Variants in ABCB1 observed in about 807,000 individuals in gnomAD.
ABCB1 encodes the protein ATP binding cassette subfamily B member 1.
ABCB1 carries 69 observed loss-of-function variants against 142.0 expected under a neutral mutation model. That is an observed-to-expected ratio of 0.49 (90% CI 0.40 to 0.59). ABCB1 has a LOEUF of 0.59. Among genes scored for constraint, ABCB1 ranks in the 20% least tolerant of loss-of-function variants. The pLI, the probability that ABCB1 is intolerant of heterozygous loss-of-function variation, is 0.00. For missense variants in ABCB1, 1,326 were observed against 1,554.7 expected, an observed-to-expected ratio of 0.85 and a Z score of 2.47; for synonymous variants, 532 against 539.2, an observed-to-expected ratio of 0.99 and a Z score of 0.18.
At chr7:87,543,818 C>G (rs1816651428) in intron 17 of ABCB1, among the ~76,000 whole-genome samples, 1 of 152,160 alleles carries the variant, frequency 6.6e-6, no homozygotes, top group South Asian at 2.1e-4. Flanking sequence ...AATGAAAGTT[C>G]ACAAGATTTG....
chr7:87,585,436 G>T (rs1247315620), intron 4 of ABCB1, 76 bp downstream of exon 4: 15 of 1,463,170 alleles, frequency 1.0e-5, no homozygotes, highest in Non-Finnish European at 1.2e-5. Flanking sequence ...ATTTAGTAAA[G>T]AATCCATAAA....
intron 1 of ABCB1, among the ~76,000 whole-genome samples, chr7:87,658,886 T>C (rs1585024795): frequency 6.6e-6 from 1 of 152,026 alleles, no homozygotes; most frequent in Non-Finnish European, 1.5e-5. Flanking sequence ...AGAAAGGAAA[T>C]GATAAAAGAA....
intron 1 of ABCB1, among the ~76,000 whole-genome samples, chr7:87,637,718 G>T (rs551927302): frequency 6.6e-6 from 1 of 151,922 alleles, no homozygotes; most frequent in Non-Finnish European, 1.5e-5. Flanking sequence ...TCTTGTGGTT[G>T]TTGGTATATC....
At chr7:87,580,999 C>T (rs1172580531) in intron 4 of ABCB1, among the ~76,000 whole-genome samples, 2 of 150,900 alleles carry the variant, frequency 1.3e-5, no homozygotes, top group Non-Finnish European at 2.9e-5. Flanking sequence ...TATGAAGGTG[C>T]TTTGTTTTGT....
At chr7:87,639,558 T>C (rs1195971284) in intron 1 of ABCB1, among the ~76,000 whole-genome samples, 8 of 152,162 alleles carry the variant, frequency 5.3e-5, no homozygotes, top group Admixed American at 5.2e-4. Flanking sequence ...ACTATAAATA[T>C]TTTGTTTTGT....
chr7:87,705,108 A>T (rs1018614303), intron 1 of ABCB1, among the ~76,000 whole-genome samples: 1 of 152,132 alleles, frequency 6.6e-6, no homozygotes, highest in African/African-American at 2.4e-5. Context: ...GTCACCATGG[A>T]CAATCTCATA....
At chr7:87,657,281 G>GA (rs1219312199) in intron 1 of ABCB1, among the ~76,000 whole-genome samples, 1 of 151,728 alleles carries the variant, frequency 6.6e-6, no homozygotes, top group Admixed American at 6.6e-5. Flanking sequence ...CAGGCAAAGG[G>GA]AAAAAAACAA....
upstream of ABCB1, among the ~76,000 whole-genome samples, chr7:87,601,574 C>A (rs138442576): frequency 6.6e-6 from 1 of 152,196 alleles, no homozygotes; most frequent in African/African-American, 2.4e-5. Flanking sequence ...CATGTTTTAG[C>A]ATATTACATT....
In ABCB1 at chr7:87,549,496, T is replaced by C; in HGVS notation, c.1577A>G (p.Glu526Gly). ...CCCACCACTCAACTGGGCCCCTCTC[T>C]CTCCAACCAGGGTGTCAAATTTCTA... is the stretch of plus-strand genomic sequence containing the variant. ...LPHKFDTLVG[E>G]RGAQLSGGQK... The change falls in exon 14 of 28, where the codon GAG (glutamate) becomes GGG (glycine). Residue 526 changes from glutamate (E) to glycine (G), a missense_variant. Transcript: ENST00000622132. The C allele has an allele frequency of 1.9e-6, 3 of 1,614,082 alleles. No homozygotes were observed. Among genetic ancestry groups the C allele is most frequent in the South Asian group, 2.2e-5 (2 of 91,072 alleles).
chr7:87,684,746 C>CAAGAAAAAAAAAAAAAAAAAAA (rs1827285823), intron 1 of ABCB1, among the ~76,000 whole-genome samples: 1 of 37,784 alleles, frequency 2.6e-5, no homozygotes, highest in Non-Finnish European at 4.0e-5. Flanking sequence ...GACTCCGTCT[C>CAAGAAAAAAAAAAAAAAAAAAA]AAAAAAAAAA....
intron 25 of ABCB1, 96 bp downstream of exon 25, chr7:87,515,135 G>A: frequency 6.8e-7 from 1 of 1,466,238 alleles, no homozygotes; most frequent in Admixed American, 1.9e-5. Context: ...GTTGTTTAAA[G>A]GTTTGAAAAA....
chr7:87,530,838 C>CAAGCAAGAAAGAAAGA (rs1816011922), intron 21 of ABCB1, among the ~76,000 whole-genome samples: 1 of 71,238 alleles, frequency 1.4e-5, no homozygotes, highest in Non-Finnish European at 2.6e-5. Flanking sequence ...AGCAAGAAAG[C>CAAGCAAGAAAGAAAGA]AAGAAAGAAA....
chr7:87,547,132 C>G (rs554756084), intron 14 of ABCB1, among the ~76,000 whole-genome samples: 17 of 152,260 alleles, frequency 1.1e-4, no homozygotes, highest in African/African-American at 3.9e-4. Flanking sequence ...TTTTGTTACT[C>G]TATATGTCTC....
intron 1 of ABCB1, among the ~76,000 whole-genome samples, chr7:87,623,028 G>T (rs1584929265): frequency 6.6e-6 from 1 of 152,126 alleles, no homozygotes. Context: ...GGGCCACAGA[G>T]TAAGACCCTG....
intron 16 of ABCB1, among the ~76,000 whole-genome samples, 179 bp downstream of exon 16, chr7:87,544,644 G>C (rs1204779062): frequency 6.6e-6 from 1 of 152,158 alleles, no homozygotes; most frequent in Non-Finnish European, 1.5e-5. Flanking sequence ...TAAAAATTCT[G>C]CTGTGTAAAT....
At chr7:87,654,427 A>G (rs751822851) in intron 1 of ABCB1, among the ~76,000 whole-genome samples, 45 of 152,132 alleles carry the variant, frequency 3.0e-4, no homozygotes, top group Non-Finnish European at 5.4e-4. Flanking sequence ...AAATAAATCC[A>G]TGCATTTCTG....
At chr7:87,709,501 G>C in intron 1 of ABCB1, 10 of 985,380 alleles carry the variant, frequency 1.0e-5, no homozygotes, top group Non-Finnish European at 1.2e-5. Context: ...AAGGGATGTT[G>C]AGCTTGGTAG....
intron 1 of ABCB1, 115 bp from the exon 2 acceptor site, chr7:87,600,305 G>T (rs1312207749): frequency 2.4e-6 from 2 of 827,694 alleles, no homozygotes; most frequent in Middle Eastern, 2.9e-4. Flanking sequence ...AGCGCCCGCC[G>T]TTGATGCCCC....
intron 8 of ABCB1, among the ~76,000 whole-genome samples, chr7:87,555,160 C>A (rs1263528497): frequency 1.3e-5 from 2 of 151,794 alleles, no homozygotes; most frequent in African/African-American, 4.8e-5. Context: ...CTAATGGAGC[C>A]CAGAGTTAAA....
Sources: allele counts gnomAD v4.1 joint callset (sites outside exome capture counted in the v4.1 genomes callset), GRCh38; gene constraint gnomAD v4.1.1; transcripts MANE v1.5; gene names NCBI Gene and HGNC (gene_info 2026-07-23, HGNC 2026-07-21).